PPARGC1A: variants seen among roughly 807,000 people sequenced by gnomAD.
PPARGC1A encodes the protein peroxisome proliferator-activated receptor gamma coactivator 1-alpha.
PPARGC1A carries 25 observed loss-of-function variants against 88.7 expected under a neutral mutation model. The ratio of observed to expected loss-of-function variants is 0.28; its 90% CI spans 0.21 to 0.39. The LOEUF is 0.39. PPARGC1A is among the 10% of genes least tolerant of loss of function. PPARGC1A has a pLI of 1.00. For synonymous variants in PPARGC1A, 363 were observed against 355.6 expected (o/e 1.02, Z -0.24); for missense variants, 880 against 968.7 (o/e 0.91, Z 1.22).
rs59074268 is a variant in PPARGC1A at position 23,889,443 on chromosome 4, G to C, written c.54+461C>G. 2.9e-4 allele frequency: 258 copies of C among 898,162 alleles called. 1 individual carries two copies. In the African/African-American group the frequency reaches 4.2e-3, roughly 15 times the overall value. 55.6% of individuals were successfully genotyped at this position (898,162 alleles called of 1,614,324 possible). On this transcript the variant is annotated intron_variant, in intron 1 of 12. Transcript: ENST00000264867. ...AAGTTCTCTGTCTGATGAACAGAGA[G>C]AGAGGGGGGAAAAATCCGGACTAGA...
the PPARGC1A span, among the ~76,000 whole-genome samples, chr4:23,920,402 T>C: frequency 1.3e-5 from 2 of 152,176 alleles, no homozygotes; most frequent in Non-Finnish European, 2.9e-5. Context: ...TATTAGTCCT[T>C]ATAATGGTAG....
At chr4:24,329,536 C>A in the PPARGC1A span, among the ~76,000 whole-genome samples, 2 of 152,182 alleles carry the variant, frequency 1.3e-5, no homozygotes, top group South Asian at 4.1e-4. Flanking sequence ...CGCCCTCCCC[C>A]TGGGGCTCTT....
chr4:24,197,093 G>C, the PPARGC1A span, among the ~76,000 whole-genome samples: 5 of 152,280 alleles, frequency 3.3e-5, no homozygotes, highest in East Asian at 9.7e-4. Context: ...GATTGTTCTT[G>C]TTTTAAACCT....
chr4:24,156,736 C>CTT, the PPARGC1A span, among the ~76,000 whole-genome samples: 47 of 139,488 alleles, frequency 3.4e-4, no homozygotes, highest in East Asian at 8.4e-4. Context: ...TTCTCTCTCT[C>CTT]TTTTTTTTTT....
At chr4:23,973,109 T>C in the PPARGC1A span, among the ~76,000 whole-genome samples, 2 of 152,240 alleles carry the variant, frequency 1.3e-5, no homozygotes, top group East Asian at 1.9e-4. Flanking sequence ...CAAACTTTCC[T>C]ATTGCTTCAC....
the PPARGC1A span, among the ~76,000 whole-genome samples, chr4:24,351,244 A>G: frequency 6.6e-6 from 1 of 151,392 alleles, no homozygotes; most frequent in African/African-American, 2.4e-5. Flanking sequence ...AAAAAAAAAA[A>G]AAGTTAACCA....
the PPARGC1A span, among the ~76,000 whole-genome samples, chr4:24,427,518 G>A: frequency 5.3e-5 from 8 of 152,138 alleles, no homozygotes; most frequent in Admixed American, 2.6e-4. Context: ...GGACTCAGGC[G>A]ATCCACCCGT....
chr4:23,906,039 A>G (rs1719988420), upstream of PPARGC1A, among the ~76,000 whole-genome samples: 1 of 152,174 alleles, frequency 6.6e-6, no homozygotes, highest in Admixed American at 6.5e-5. Context: ...CAGCCAACAC[A>G]TGGCACCCTG....
At position 23,795,825 on chromosome 4, in the gene PPARGC1A, C is replaced by T. The variant is rs766328720; in HGVS notation, c.2394G>A (p.Arg798=). Residue 798 remains arginine (R), a synonymous_variant, in exon 13 of 13, where the codon AGG becomes AGA. Transcript: ENST00000264867. The part of the protein sequence containing the change: ...LLKEAQRSLR[R] ...TCATCCTCAGCTAGGGAACATGTTA[C>T]CTGCGCAAGCTTCTCTGAGCTTCTT... The T allele has an allele frequency of 1.9e-6, 3 of 1,607,806 alleles. No individual in the cohort carries two copies. The Admixed American group carries it at 5.1e-5, about 27-fold the overall frequency.
chr4:24,003,893 T>C, the PPARGC1A span, among the ~76,000 whole-genome samples: 1 of 151,040 alleles, frequency 6.6e-6, no homozygotes, highest in Non-Finnish European at 1.5e-5. Flanking sequence ...AGATAACACA[T>C]ACGAAAGTCC....
intron 7 of PPARGC1A, among the ~76,000 whole-genome samples, chr4:23,819,191 C>T (rs755235588): frequency 3.5e-4 from 54 of 152,166 alleles, no homozygotes; most frequent in Non-Finnish European, 6.6e-4. Context: ...ATAAAAGCTG[C>T]CCTAGTGTTC....
At chr4:24,356,418 C>A in the PPARGC1A span, among the ~76,000 whole-genome samples, 2 of 152,172 alleles carry the variant, frequency 1.3e-5, no homozygotes, top group African/African-American at 4.8e-5. Flanking sequence ...TCTCTGTTCA[C>A]GGACATTAAC....
chr4:24,417,477 G>T, the PPARGC1A span, among the ~76,000 whole-genome samples: 1 of 152,146 alleles, frequency 6.6e-6, no homozygotes, highest in Non-Finnish European at 1.5e-5. Flanking sequence ...GTTCTGCCTA[G>T]CAAGTAAATT....
chr4:23,889,718 C>T (rs923951140), intron 1 of PPARGC1A, among the ~76,000 whole-genome samples, 186 bp downstream of exon 1: 1 of 152,158 alleles, frequency 6.6e-6, no homozygotes, highest in African/African-American at 2.4e-5. Context: ...CTCAAGCCAT[C>T]TCAGAGCCAC....
At chr4:23,808,063 A>C (rs2109398655) in intron 10 of PPARGC1A, among the ~76,000 whole-genome samples, 1 of 152,160 alleles carries the variant, frequency 6.6e-6, no homozygotes, top group Non-Finnish European at 1.5e-5. Flanking sequence ...CAGCCTGGCC[A>C]ACACGGTGAA....
chr4:23,977,495 A>G, the PPARGC1A span, among the ~76,000 whole-genome samples: 1 of 152,222 alleles, frequency 6.6e-6, no homozygotes, highest in Non-Finnish European at 1.5e-5. Flanking sequence ...AAAGTTGTCT[A>G]TCTTATATAG....
chr4:24,413,350 G>C, the PPARGC1A span, among the ~76,000 whole-genome samples: 2 of 151,294 alleles, frequency 1.3e-5, no homozygotes, highest in African/African-American at 4.9e-5. Flanking sequence ...AGCCAAACAC[G>C]GGGAAGGCAA....
chr4:23,814,214 A>T lies in PPARGC1A; in HGVS notation c.1269T>A (p.Ile423=). The T allele has an allele frequency of 6.2e-7, 1 of 1,614,136 alleles. No individual in the cohort carries two copies. The highest frequency in any genetic ancestry group is 8.5e-7 in the Non-Finnish European group (1 of 1,180,008). ...KDVSSDWQGQ[I]CSSTDSDQCY... ...ACTGGTCTGAATCTGTGGAAGAACA[A>T]ATCTGCCCCTGCCAATCAGAGGAGA... Residue 423 remains isoleucine, a synonymous_variant, in exon 8 of 13, where the codon ATT becomes ATA. Transcript: ENST00000264867.
chr4:24,253,945 A>C, the PPARGC1A span, among the ~76,000 whole-genome samples: 2 of 152,214 alleles, frequency 1.3e-5, no homozygotes, highest in African/African-American at 4.8e-5. Context: ...GATGCTGGGG[A>C]TACCAATGAT....
Sources: gnomAD v4.1 joint callset for allele counts (sites outside exome capture counted in the v4.1 genomes callset) on GRCh38, gnomAD v4.1.1 for gene constraint, MANE v1.5 for transcripts, NCBI Gene and HGNC (gene_info 2026-07-23, HGNC 2026-07-21) for gene names.